The following GTPBP10 variants were observed in gnomAD, a reference collection of about 807,000 sequenced individuals.
The protein encoded by GTPBP10 is GTP binding protein 10.
A neutral mutation model predicts 44.8 loss-of-function variants in GTPBP10; 38 were observed. The observed-to-expected ratio is 0.85, with a 90% CI of 0.65 to 1.11. The LOEUF (loss-of-function observed/expected upper bound fraction) is 1.11, where lower values mean the gene tolerates loss of function less well. GTPBP10 is among the 50% of genes most tolerant of loss of function. The pLI is 0.00. For synonymous variants in GTPBP10, 152 were observed against 150.6 expected, an observed-to-expected ratio of 1.01 and a Z score of -0.07; for missense variants, 462 against 453.7, an observed-to-expected ratio of 1.02 and a Z score of -0.17.
At chr7:90,377,442 G>A (rs1796359884) in intron 6 of GTPBP10, 65 bp from the exon 7 acceptor site, 1 of 1,011,340 alleles carries the variant, frequency 9.9e-7, no homozygotes, top group Admixed American at 2.2e-5. Flanking sequence ...AAAATTTTGG[G>A]ATGTAATTGA....
At position 90,367,832 on chromosome 7, in the gene GTPBP10, G is replaced by A. The variant is rs571678385; in HGVS notation, c.465-4323G>A. Among the ~76,000 whole-genome samples, 5 of 152,314 alleles carry A rather than the reference G, an allele frequency of 3.3e-5. No individual in the cohort carries two copies. The East Asian group carries it at 9.6e-4, about 29-fold the overall frequency. On this transcript the variant is annotated intron_variant, in intron 4 of 9. Transcript: ENST00000222511. Reference sequence around the variant, plus strand: ...ATTTGATCCTGCCATTATGACGTTAGCTGGTTATTTTGCCCGTTAATTGAT... The same window carrying A: ...ATTTGATCCTGCCATTATGACGTTAACTGGTTATTTTGCCCGTTAATTGAT...
At chr7:90,351,018 A>G (rs1235653270) in intron 1 of GTPBP10, among the ~76,000 whole-genome samples, 1 of 152,190 alleles carries the variant, frequency 6.6e-6, no homozygotes, top group Non-Finnish European at 1.5e-5. Context: ...TGACTTATAA[A>G]ATGTACTGGC....
At position 90,374,803 on chromosome 7, in the gene GTPBP10, A is replaced by G. The variant is rs542100833; in HGVS notation, c.591+449A>G. 4.8e-4 allele frequency among the ~76,000 whole-genome samples: 73 copies of G among 152,338 alleles called. 1 individual carries two copies. The highest frequency in any genetic ancestry group is 1.8e-3 in the African/African-American group (73 of 41,574). On this transcript the variant is annotated intron_variant, in intron 6 of 9. Transcript: ENST00000222511. ...CAAGTAACAACAGTGGATCTTCTGT[A>G]TAATTAGAAAAAAACTAAAAAAAGG...
At chr7:90,370,696 TA>T (rs1796241154) in intron 4 of GTPBP10, among the ~76,000 whole-genome samples, 1 of 152,126 alleles carries the variant, frequency 6.6e-6, no homozygotes, top group African/African-American at 2.4e-5. Context: ...CCCCTAAAGC[TA>T]TTGAAATAAA....
At chr7:90,376,247 A>G (rs1346529019) in intron 6 of GTPBP10, among the ~76,000 whole-genome samples, 2 of 152,038 alleles carry the variant, frequency 1.3e-5, no homozygotes, top group Non-Finnish European at 2.9e-5. Flanking sequence ...AAAGAAAAGA[A>G]AAGCACAAGT....
At chr7:90,384,190 G>A (rs111682106) in intron 9 of GTPBP10, among the ~76,000 whole-genome samples, 8 of 152,034 alleles carry the variant, frequency 5.3e-5, no homozygotes, top group African/African-American at 1.4e-4. Flanking sequence ...GACTTTCTTC[G>A]GGGCTTTTGA....
At chr7:90,369,064 C>G (rs1036299037) in intron 4 of GTPBP10, among the ~76,000 whole-genome samples, 4 of 152,198 alleles carry the variant, frequency 2.6e-5, no homozygotes, top group South Asian at 2.1e-4. Context: ...CGCTGCAGGT[C>G]TTTTGGAGGT....
At chr7:90,358,303 A>G (rs150791746) in intron 4 of GTPBP10, among the ~76,000 whole-genome samples, 101 of 152,332 alleles carry the variant, frequency 6.6e-4, no homozygotes, top group Non-Finnish European at 1.0e-3. Context: ...AAATGGAAAT[A>G]CATCCAAAGC....
At chr7:90,367,230 G>A (rs1315404094) in intron 4 of GTPBP10, among the ~76,000 whole-genome samples, 2 of 152,080 alleles carry the variant, frequency 1.3e-5, no homozygotes, top group South Asian at 2.1e-4. Flanking sequence ...TTTAGAATAA[G>A]TACGATATGC....
At chr7:90,384,081 A>G (rs1796481609) in intron 9 of GTPBP10, among the ~76,000 whole-genome samples, 1 of 152,210 alleles carries the variant, frequency 6.6e-6, no homozygotes, top group South Asian at 2.1e-4. Flanking sequence ...TTCAGAGGAA[A>G]TACCGAAAGT....
chr7:90,375,649 G>A lies in GTPBP10; in HGVS notation c.591+1295G>A, dbSNP rs17869456. On this transcript the variant is annotated intron_variant, in intron 6 of 9. Coordinates refer to ENST00000222511, the MANE Select transcript of GTPBP10 (RefSeq NM_033107.4). ...AACATCATTTATACCGAATTTTTAAGGGAAATCAGTAGAGGAAATTTCAGG... is the reference window on the plus strand; with the variant it reads ...AACATCATTTATACCGAATTTTTAAAGGAAATCAGTAGAGGAAATTTCAGG... 3.4e-3 allele frequency among the ~76,000 whole-genome samples: 515 copies of A among 152,202 alleles called. 3 individuals carry two copies. The highest frequency in any genetic ancestry group is 0.012 in the African/African-American group (493 of 41,524).
chr7:90,361,691 T>C (rs1167999564), intron 4 of GTPBP10, among the ~76,000 whole-genome samples: 1 of 152,334 alleles, frequency 6.6e-6, no homozygotes, highest in African/African-American at 2.4e-5. Flanking sequence ...ATTGGAATGG[T>C]TTCAGAAGGA....
At chr7:90,378,081 T>C (rs1796372803) in intron 7 of GTPBP10, 53 bp from the exon 8 acceptor site, 1 of 1,540,406 alleles carries the variant, frequency 6.5e-7, no homozygotes. Context: ...CATAGAAATG[T>C]ATAGCTATTC....
chr7:90,381,165 G>T (rs540726480), intron 8 of GTPBP10, among the ~76,000 whole-genome samples: 2 of 152,266 alleles, frequency 1.3e-5, no homozygotes, highest in Admixed American at 1.3e-4. Flanking sequence ...GGGATTGCCG[G>T]ATCATATGGT....
chr7:90,368,704 G>T (rs1796187463), intron 4 of GTPBP10, among the ~76,000 whole-genome samples: 1 of 151,968 alleles, frequency 6.6e-6, no homozygotes, highest in South Asian at 2.1e-4. Flanking sequence ...AACCTTTTTT[G>T]AAGGTTTTTA....
chr7:90,374,331 A>C lies in GTPBP10; in HGVS notation c.568A>C (p.Ile190Leu). The C allele has an allele frequency of 6.3e-7, 1 of 1,595,932 alleles. No individual in the cohort carries two copies. Among genetic ancestry groups the C allele is most frequent in the Non-Finnish European group, 8.6e-7 (1 of 1,164,210 alleles). Residue 190 changes from isoleucine (I) to leucine (L), a missense_variant, in exon 6 of 10, where the codon ATA (isoleucine) becomes CTA (leucine). Transcript: ENST00000222511. ...AACATTAAAGCCTGAACTTGGAAAG[A>C]TAATGTACAGTGATTTCAAACAGGT... The part of the protein sequence containing the change: ...FTTLKPELGK[I>L]MYSDFKQISV...
intron 4 of GTPBP10, among the ~76,000 whole-genome samples, chr7:90,366,414 T>G (rs373346877): frequency 6.6e-6 from 1 of 152,164 alleles, no homozygotes; most frequent in East Asian, 1.9e-4. Context: ...TCCTGGACTT[T>G]TTTTGGTTGG....
chr7:90,382,900 G>A lies in GTPBP10; in HGVS notation c.778-56G>A, dbSNP rs1016898569. 59 of 1,225,400 alleles carry A rather than the reference G, an allele frequency of 4.8e-5. No individual in the cohort carries two copies. The Admixed American group carries it at 1.4e-3, about 28-fold the overall frequency. 75.9% of individuals were successfully genotyped at this position (1,225,400 alleles called of 1,614,324 possible). On this transcript the variant is annotated intron_variant, in intron 8 of 9. Transcript: ENST00000222511. ...ACCTGGGTCATTAATTACCAAATAAGTAGTTTATACAGAAACCAGTACTAA... is the reference window on the plus strand; with the variant it reads ...ACCTGGGTCATTAATTACCAAATAAATAGTTTATACAGAAACCAGTACTAA...
chr7:90,358,541 G>T (rs553063879), intron 4 of GTPBP10, among the ~76,000 whole-genome samples: 3 of 152,274 alleles, frequency 2.0e-5, no homozygotes, highest in Admixed American at 1.3e-4. Context: ...TTCAAAAAAT[G>T]ATGCTGAGAA....
Sources: allele counts gnomAD v4.1 joint callset (sites outside exome capture counted in the v4.1 genomes callset), GRCh38; gene constraint gnomAD v4.1.1; transcripts MANE v1.5; gene names NCBI Gene and HGNC (gene_info 2026-07-23, HGNC 2026-07-21).